The following EIF3F variants were observed in gnomAD, a reference collection of about 807,000 sequenced individuals.
EIF3F encodes the protein eukaryotic translation initiation factor 3 subunit F.
Under a neutral mutation model 36.0 loss-of-function variants are expected in EIF3F, and 8 were observed. That is an observed-to-expected ratio of 0.22 (90% confidence interval 0.13 to 0.40). EIF3F has a LOEUF of 0.40. EIF3F is among the 10% of genes least tolerant of loss of function. EIF3F has a pLI of 1.00. For missense variants in EIF3F, 430 were observed against 467.6 expected, an observed-to-expected ratio of 0.92 and a Z score of 0.74; for synonymous variants, 184 against 188.5, an observed-to-expected ratio of 0.98 and a Z score of 0.19.
intron 1 of EIF3F, 55 bp from the exon 2 acceptor site, chr11:7,991,726 A>T: frequency 6.5e-7 from 1 of 1,548,718 alleles, no homozygotes; most frequent in South Asian, 1.1e-5. Context: ...AAGTAGTCAG[A>T]GGTTGTTGGG....
chr11:7,987,940 A>T, intron 1 of EIF3F: 1 of 535,000 alleles, frequency 1.9e-6, no homozygotes. Context: ...ACTTTAAGCG[A>T]CATAAAATAC....
At position 7,991,774 on chromosome 11, in the gene EIF3F, T is replaced by C; in HGVS notation, c.365-7T>C. On this transcript the variant is annotated splice_region_variant and splice_polypyrimidine_tract_variant and intron_variant, in intron 1 of 7. Transcript: ENST00000651655. The stretch of plus-strand genomic sequence containing the variant: ...ATATAACACATGGACGATTCTCTCT[T>C]TCACAGGAACTGTCGACAAACACTC... The C allele has an allele frequency of 6.2e-7, 1 of 1,614,198 alleles. No individual in the cohort carries two copies. Among genetic ancestry groups the C allele is most frequent in the Non-Finnish European group, 8.5e-7 (1 of 1,180,016 alleles).
At chr11:7,991,916 G>T (rs998994212) in intron 2 of EIF3F, 65 bp downstream of exon 2, 1 of 1,577,996 alleles carries the variant, frequency 6.3e-7, no homozygotes, top group Non-Finnish European at 8.7e-7. Context: ...CTCCCCTCAC[G>T]GTCCCTCCCA....
chr11:7,991,099 G>A (rs1039929836), intron 1 of EIF3F, among the ~76,000 whole-genome samples: 1 of 151,934 alleles, frequency 6.6e-6, no homozygotes, highest in Non-Finnish European at 1.5e-5. Context: ...GGAAGCTGAG[G>A]CAGGAGAATC....
At chr11:7,988,687 A>G (rs765436318) in intron 1 of EIF3F, among the ~76,000 whole-genome samples, 10 of 152,352 alleles carry the variant, frequency 6.6e-5, no homozygotes, top group Non-Finnish European at 1.3e-4. Context: ...TTCTTACACC[A>G]TAGAAGACAG....
In EIF3F at chr11:7,987,471, C is replaced by T. The variant is rs752615692; in HGVS notation, c.119C>T (p.Ala40Val). ...GCACCGGCTGCGGCTCCGGTTCCCG[C>T]TGCGGCTCCAGCCTCATCCTCAGAC... ...TPAPAAAPVP[A>V]AAPASSSDPA... The change falls in exon 1 of 8, where the codon GCT becomes GTT. Residue 40 changes from alanine to valine, a missense_variant. This residue lies in a region of EIF3F where 168 missense variants were observed against 120.2 expected (regional missense o/e 1.40). Coordinates refer to ENST00000651655, the MANE Select transcript of EIF3F (RefSeq NM_003754.3). The T allele has an allele frequency of 1.2e-5, 19 of 1,605,498 alleles. No homozygotes were observed. The highest frequency in any genetic ancestry group is 1.6e-5 in the Non-Finnish European group (19 of 1,178,872).
intron 3 of EIF3F, 58 bp from the exon 4 acceptor site, chr11:7,992,829 G>A: frequency 6.2e-7 from 1 of 1,611,056 alleles, no homozygotes; most frequent in Non-Finnish European, 8.5e-7. Flanking sequence ...TGCCACTGTT[G>A]TGTTTGATAT....
Position 7,999,421 on chromosome 11 carries a change from C to G in EIF3F, c.*3399C>G, listed in dbSNP as rs1391576694. 1 of 152,152 alleles carries G rather than the reference C, an allele frequency of 6.6e-6. No individual in the cohort carries two copies. Among genetic ancestry groups the G allele is most frequent in the Non-Finnish European group, 1.5e-5 (1 of 68,016 alleles). The allele number at this position is 152,152 out of a possible 1,614,324, so 9.4% of individuals were successfully genotyped here. A position where few individuals can be genotyped will look rare whatever the true frequency, so the allele number is the denominator to read the frequency against. Reference sequence around the variant, plus strand: ...ATAAGAAGACTCAACATTATTTTAACAGGTGTTAATTTTCCCTGTTAAACT... The same window carrying G: ...ATAAGAAGACTCAACATTATTTTAAGAGGTGTTAATTTTCCCTGTTAAACT... On this transcript the variant is annotated 3_prime_UTR_variant, in exon 8 of 8. Transcript: ENST00000651655.
rs527625074 is a variant in EIF3F, at chr11:8,000,967, CACAT to C, written c.*4949_*4952del. The C allele has an allele frequency of 1.6e-4, 24 of 152,262 alleles. No homozygotes were observed. Among genetic ancestry groups the C allele is most frequent in the South Asian group, 1.4e-3 (7 of 4,832 alleles). 9.4% of individuals were successfully genotyped at this position (152,262 alleles called of 1,614,324 possible). ...TTTAAAATCTGAGTGTCAAATTACA[CACAT>C]ACACAAATAGTCAATACAAATATAA... On this transcript the variant is annotated 3_prime_UTR_variant, in exon 8 of 8. Transcript: ENST00000651655.
At chr11:7,991,907 T>TC in intron 2 of EIF3F, 56 bp downstream of exon 2, 2 of 1,595,612 alleles carry the variant, frequency 1.3e-6, no homozygotes, top group Non-Finnish European at 1.7e-6. Flanking sequence ...TTTGCTCGGC[T>TC]CCCCTCACGG....
chr11:7,994,936 T>C (rs745504983), intron 5 of EIF3F, 46 bp from the exon 6 acceptor site: 3 of 1,604,828 alleles, frequency 1.9e-6, no homozygotes, highest in Middle Eastern at 2.2e-4. Flanking sequence ...TTCTCTCTCT[T>C]ACTGCCCACC....
rs888394624 is a variant in EIF3F, at chr11:8,001,150, C to G, written c.*5128C>G. On this transcript the variant is annotated 3_prime_UTR_variant, in exon 8 of 8. Transcript: ENST00000651655. Reference sequence around the variant, plus strand: ...ACAGACACACAAATGTGAAAAGATGCTTGATCTCACTGATAAAGCATAAAT... The same window carrying G: ...ACAGACACACAAATGTGAAAAGATGGTTGATCTCACTGATAAAGCATAAAT... 6.6e-6 allele frequency: 1 copy of G among 152,160 alleles called. No homozygotes were observed. Among genetic ancestry groups the G allele is most frequent in the Non-Finnish European group, 1.5e-5 (1 of 68,036 alleles). The allele number at this position is 152,160 out of a possible 1,614,324, so 9.4% of individuals were successfully genotyped here. A position where few individuals can be genotyped will look rare whatever the true frequency, so the allele number is the denominator to read the frequency against.
At chr11:7,995,231 C>G (rs376053231) in intron 6 of EIF3F, 23 bp from the exon 7 acceptor site, 37 of 1,609,988 alleles carry the variant, frequency 2.3e-5, no homozygotes, top group Admixed American at 1.7e-5. Context: ...ACTGCCTCAT[C>G]GAGTCTTTGT....
At chr11:7,992,742 G>C (rs924624160) in intron 3 of EIF3F, 145 bp from the exon 4 acceptor site, 10 of 939,102 alleles carry the variant, frequency 1.1e-5, no homozygotes, top group Middle Eastern at 7.0e-4. Context: ...CATAGTTTTC[G>C]GTGTGTGTAT....
intron 7 of EIF3F, chr11:7,995,638 A>G (rs933037463): frequency 3.4e-6 from 2 of 581,102 alleles, no homozygotes; most frequent in African/African-American, 3.7e-5. Flanking sequence ...AGAAACACTA[A>G]AATTCAGAGG....
rs539956594 is a variant in EIF3F, at chr11:7,993,872, A to G, written c.654-554A>G. Among the ~76,000 whole-genome samples, 9 of 152,224 alleles carry G rather than the reference A, an allele frequency of 5.9e-5. No individual in the cohort carries two copies. The East Asian group carries it at 1.5e-3, about 26-fold the overall frequency. On this transcript the variant is annotated intron_variant, in intron 4 of 7. Coordinates refer to ENST00000651655, the MANE Select transcript of EIF3F (RefSeq NM_003754.3). ...TGGATCCAGTATATACAATATATATATAAGATCCAACTATATATATGTATA... is the reference window on the plus strand; with the variant it reads ...TGGATCCAGTATATACAATATATATGTAAGATCCAACTATATATATGTATA...
In EIF3F at chr11:7,994,782, A is replaced by G. The variant is rs1223285487; in HGVS notation, c.746-200A>G. 9.0e-6 allele frequency: 7 copies of G among 781,458 alleles called. No individual in the cohort carries two copies. In the Admixed American group the frequency reaches 1.5e-4, roughly 16 times the overall value. 48.4% of individuals were successfully genotyped at this position (781,458 alleles called of 1,614,324 possible). A position where few individuals can be genotyped will look rare whatever the true frequency, so the allele number is the denominator to read the frequency against. ...AAAACCGGTGATGAGCATACCAGGTAAAAGGAGTTGAGCTCTATTAGGAGG... is the reference window on the plus strand; with the variant it reads ...AAAACCGGTGATGAGCATACCAGGTGAAAGGAGTTGAGCTCTATTAGGAGG... On this transcript the variant is annotated intron_variant, in intron 5 of 7. Coordinates refer to ENST00000651655, the MANE Select transcript of EIF3F (RefSeq NM_003754.3).
Position 7,997,801 on chromosome 11 carries a change from A to C in EIF3F, c.*1779A>C, listed in dbSNP as rs1258776033. ...GTATATGTGGGTTCCACATCTATGG[A>C]CTCAACCAACTACAGGTTGAAAATA... On this transcript the variant is annotated 3_prime_UTR_variant, in exon 8 of 8. Transcript: ENST00000651655. The C allele has an allele frequency of 1.3e-5, 2 of 152,214 alleles. No homozygotes were observed. Among genetic ancestry groups the C allele is most frequent in the African/African-American group, 4.8e-5 (2 of 41,464 alleles). 9.4% of individuals were successfully genotyped at this position (152,214 alleles called of 1,614,324 possible).
intron 3 of EIF3F, 107 bp from the exon 4 acceptor site, chr11:7,992,780 G>T: frequency 1.4e-6 from 2 of 1,446,218 alleles, no homozygotes; most frequent in Non-Finnish European, 1.9e-6. Context: ...GTCACTAGGT[G>T]TCCTACCGTA....
Sources: gnomAD v4.1 joint callset for allele counts (sites outside exome capture counted in the v4.1 genomes callset) on GRCh38, gnomAD v4.1.1 for gene constraint, gnomAD v4.1.1 regional missense constraint, MANE v1.5 for transcripts, NCBI Gene and HGNC (gene_info 2026-07-23, HGNC 2026-07-21) for gene names.